Variants in TCF4 observed in about 807,000 individuals in gnomAD.
TCF4 encodes transcription factor 4, also known as SL3-3 enhancer factor 2.
A neutral mutation model predicts 82.1 loss-of-function variants in TCF4; 3 were observed. The observed-to-expected ratio is 0.04, with a 90% CI of 0.02 to 0.09. TCF4 has a LOEUF of 0.09. TCF4 is among the 10% of genes least tolerant of loss of function. TCF4 has a pLI of 1.00. For synonymous variants in TCF4, 276 were observed against 309.6 expected, an observed-to-expected ratio of 0.89 and a Z score of 1.14; for missense variants, 518 against 852.7, an observed-to-expected ratio of 0.61 and a Z score of 4.89.
At chr18:55,551,880 A>G (rs2097263514) in intron 3 of TCF4, 1 of 152,220 alleles carries the variant, frequency 6.6e-6, no homozygotes, top group Admixed American at 6.5e-5. Context: ...CCTGGCTTCT[A>G]CTTTTTCTGG....
At chr18:55,369,646 G>A (rs1040647279) in intron 6 of TCF4, among the ~76,000 whole-genome samples, 3 of 152,138 alleles carry the variant, frequency 2.0e-5, no homozygotes, top group Admixed American at 2.0e-4. Context: ...CACCTGCACA[G>A]GTGCTCATCA....
intron 2 of TCF4, among the ~76,000 whole-genome samples, chr18:55,624,648 T>G (rs1161128684): frequency 6.6e-6 from 1 of 151,964 alleles, no homozygotes; most frequent in East Asian, 1.9e-4. Context: ...GCTCAAACTT[T>G]CCTTCTCTTC....
At chr18:55,271,395 G>A (rs2060337102) in intron 10 of TCF4, among the ~76,000 whole-genome samples, 1 of 152,060 alleles carries the variant, frequency 6.6e-6, no homozygotes, top group South Asian at 2.1e-4. Flanking sequence ...TACGCTCAAT[G>A]AACAATTGGT....
chr18:55,609,612 C>T (rs1361454596), intron 2 of TCF4, among the ~76,000 whole-genome samples: 3 of 151,984 alleles, frequency 2.0e-5, no homozygotes, highest in Non-Finnish European at 4.4e-5. Flanking sequence ...TTTTAAAACA[C>T]AAACAAAAAA....
At chr18:55,384,533 T>C (rs1240347976) in intron 6 of TCF4, among the ~76,000 whole-genome samples, 1 of 152,148 alleles carries the variant, frequency 6.6e-6, no homozygotes, top group Non-Finnish European at 1.5e-5. Flanking sequence ...AAGAAATCCC[T>C]GCAGCAAAAT....
At chr18:55,321,861 A>T in intron 8 of TCF4, 1 of 1,465,430 alleles carries the variant, frequency 6.8e-7, no homozygotes, top group Non-Finnish European at 9.0e-7. Context: ...AAGCGTGGTG[A>T]ATATGCAAAG....
intron 8 of TCF4, among the ~76,000 whole-genome samples, chr18:55,325,718 TTTC>T (rs1375080374): frequency 2.0e-5 from 3 of 152,232 alleles, no homozygotes; most frequent in African/African-American, 7.2e-5. Context: ...TGTTGTTGTC[TTTC>T]TTTTTTTCAG....
chr18:55,559,793 C>A (rs1011288915), intron 3 of TCF4, among the ~76,000 whole-genome samples: 2 of 152,028 alleles, frequency 1.3e-5, no homozygotes, highest in Non-Finnish European at 2.9e-5. Context: ...TGTAAATAAA[C>A]CTGCCTTACA....
rs55844131 is a variant in TCF4, at chr18:55,370,647, G to T, written c.370-19644C>A. On this transcript the variant is annotated intron_variant, in intron 6 of 19. Coordinates refer to ENST00000354452, the MANE Select transcript of TCF4 (RefSeq NM_001083962.2). The stretch of plus-strand genomic sequence containing the variant: ...TTAGGATGCTCAGACTGTACATATA[G>T]TGCAAATGACAACTCTCCCCCCCAA... Among the ~76,000 whole-genome samples the T allele has an allele frequency of 1.4e-3, 208 of 152,110 alleles. 1 individual carries two copies. The highest frequency in any genetic ancestry group is 3.8e-3 in the African/African-American group (159 of 41,460).
rs1041915971 is a variant in TCF4, at chr18:55,453,860, T to G, written c.304+7159A>C. Among the ~76,000 whole-genome samples, 11 of 150,682 alleles carry G rather than the reference T, an allele frequency of 7.3e-5. No individual in the cohort carries two copies. The South Asian group carries it at 2.3e-3, about 31-fold the overall frequency. ...AAAAATATAAATATAGTAATAAGTA[T>G]TATTATTATTAGCAATGGGGTCTCT... is the stretch of plus-strand genomic sequence containing the variant. On this transcript the variant is annotated intron_variant, in intron 5 of 19. Coordinates refer to ENST00000354452, the MANE Select transcript of TCF4 (RefSeq NM_001083962.2).
chr18:55,243,155 C>A (rs1039104502), intron 15 of TCF4, among the ~76,000 whole-genome samples: 1 of 152,028 alleles, frequency 6.6e-6, no homozygotes, highest in Non-Finnish European at 1.5e-5. Flanking sequence ...AAATAATATC[C>A]CAAATTTAAG....
intron 5 of TCF4, among the ~76,000 whole-genome samples, chr18:55,434,767 T>TGTGC (rs1307867507): frequency 6.9e-6 from 1 of 144,436 alleles, no homozygotes; most frequent in Non-Finnish European, 1.5e-5. Flanking sequence ...AGTATTCGTG[T>TGTGC]GTGTGTGTGT....
chr18:55,348,649 A>G (rs1376398177), intron 8 of TCF4, among the ~76,000 whole-genome samples: 1 of 152,226 alleles, frequency 6.6e-6, no homozygotes, highest in Non-Finnish European at 1.5e-5. Flanking sequence ...AAACATTTAC[A>G]ACGAATTATG....
intron 3 of TCF4, among the ~76,000 whole-genome samples, chr18:55,514,769 C>G (rs80053557): frequency 6.6e-6 from 1 of 151,748 alleles, no homozygotes; most frequent in Non-Finnish European, 1.5e-5. Flanking sequence ...AAGGAGCACA[C>G]GTAAAAATAT....
intron 3 of TCF4, among the ~76,000 whole-genome samples, chr18:55,577,248 A>ATATATGTT (rs2097538855): frequency 6.8e-6 from 1 of 146,864 alleles, no homozygotes. Context: ...ATATATGTAT[A>ATATATGTT]TACATATTTA....
chr18:55,339,097 C>A (rs570011067), intron 8 of TCF4, among the ~76,000 whole-genome samples: 37 of 152,108 alleles, frequency 2.4e-4, no homozygotes, highest in Middle Eastern at 3.4e-3. Flanking sequence ...AAAAAAATTG[C>A]GACACACTTT....
intron 15 of TCF4, among the ~76,000 whole-genome samples, chr18:55,251,926 T>G (rs2055259203): frequency 7.1e-6 from 1 of 141,452 alleles, no homozygotes; most frequent in African/African-American, 2.6e-5. Flanking sequence ...GGAAGGGGGA[T>G]GAGGTTTTTT....
intron 3 of TCF4, among the ~76,000 whole-genome samples, chr18:55,569,067 T>C (rs1446190036): frequency 1.3e-5 from 2 of 152,198 alleles, no homozygotes; most frequent in Non-Finnish European, 2.9e-5. Context: ...CTTCATGAAA[T>C]ATGAATAGAA....
At chr18:55,261,909 T>C (rs565124287) in intron 11 of TCF4, among the ~76,000 whole-genome samples, 1 of 152,310 alleles carries the variant, frequency 6.6e-6, no homozygotes, top group South Asian at 2.1e-4. Flanking sequence ...GTAAATGGAA[T>C]TATCTTCACA....
Sources: allele counts gnomAD v4.1 joint callset (sites outside exome capture counted in the v4.1 genomes callset), GRCh38; gene constraint gnomAD v4.1.1; transcripts MANE v1.5; gene names NCBI Gene and HGNC (gene_info 2026-07-23, HGNC 2026-07-21).